Variants in CADM2 observed in about 807,000 individuals in gnomAD.
CADM2 encodes immunoglobulin superfamily member 4D.
CADM2 carries 12 observed loss-of-function variants against 49.8 expected under a neutral mutation model. That is an observed-to-expected ratio of 0.24 (90% CI 0.15 to 0.39). The LOEUF (loss-of-function observed/expected upper bound fraction) is 0.39, where lower values mean the gene tolerates loss of function less well. Ranked by LOEUF, CADM2 falls within the 10% of genes least tolerant of loss-of-function variation. The probability of loss-of-function intolerance (pLI) is 1.00; values close to 1 mark genes in which losing one functional copy is unlikely to be tolerated. For missense variants in CADM2, 378 were observed against 492.3 expected, an observed-to-expected ratio of 0.77 and a Z score of 2.20; for synonymous variants, 214 against 175.4, an observed-to-expected ratio of 1.22 and a Z score of -1.74.
intron 1 of CADM2, among the ~76,000 whole-genome samples, chr3:85,337,044 A>AATATATATAT (rs540413952): frequency 1.5e-5 from 2 of 135,500 alleles, no homozygotes; most frequent in African/African-American, 5.4e-5. Context: ...TATATATATA[A>AATATATATAT]ATATATATAT....
rs1316220255 is a variant in CADM2, at chr3:86,067,632, C to T, written c.*849C>T. On this transcript the variant is annotated 3_prime_UTR_variant, in exon 10 of 10. Transcript: ENST00000383699. ...ACAATATTGAAGTATCCATAGGGCA[C>T]AATTTTCAGACATTTTAGTATCTGT... 1 of 152,438 alleles carries T rather than the reference C, an allele frequency of 6.6e-6. No individual in the cohort carries two copies. Among genetic ancestry groups the T allele is most frequent in the Middle Eastern group, 3.2e-3 (1 of 316 alleles). The allele number at this position is 152,438 out of a possible 1,614,324, so 9.4% of individuals were successfully genotyped here.
intron 1 of CADM2, among the ~76,000 whole-genome samples, chr3:84,971,241 C>A (rs1387743724): frequency 1.3e-5 from 2 of 152,012 alleles, no homozygotes; most frequent in Non-Finnish European, 2.9e-5. Flanking sequence ...TAATATTTAG[C>A]AAACAAATAT....
At chr3:85,040,271 AG>A (rs887605171) in intron 1 of CADM2, among the ~76,000 whole-genome samples, 1 of 152,206 alleles carries the variant, frequency 6.6e-6, no homozygotes, top group African/African-American at 2.4e-5. Context: ...TGCAGATTTC[AG>A]GCTCATAAGC....
rs530850528 is a variant in CADM2, at chr3:85,811,758, T to C, written c.238+9562T>C. On this transcript the variant is annotated intron_variant, in intron 3 of 9. Coordinates refer to ENST00000383699, the MANE Select transcript of CADM2 (RefSeq NM_001167675.2). The stretch of plus-strand genomic sequence containing the variant: ...GATGATGAACTGGCTAGACTCAGAC[T>C]GAGTAGATAGTCACCACCATTGTGT... Among the ~76,000 whole-genome samples the C allele has an allele frequency of 4.2e-4, 64 of 152,148 alleles. No individual in the cohort carries two copies. In the South Asian group the frequency reaches 0.011, roughly 27 times the overall value.
At chr3:85,675,465 T>A (rs921118751) in intron 1 of CADM2, among the ~76,000 whole-genome samples, 4 of 152,200 alleles carry the variant, frequency 2.6e-5, no homozygotes, top group African/African-American at 9.6e-5. Flanking sequence ...TGAATCAAAG[T>A]ACTGCATTGT....
intron 1 of CADM2, among the ~76,000 whole-genome samples, chr3:85,183,642 A>G (rs749190508): frequency 5.3e-5 from 8 of 152,104 alleles, no homozygotes; most frequent in Non-Finnish European, 7.4e-5. Context: ...GAAGTAACCA[A>G]TCTCTTCATA....
chr3:85,514,853 A>C (rs901875314), intron 1 of CADM2, among the ~76,000 whole-genome samples: 2 of 151,966 alleles, frequency 1.3e-5, no homozygotes, highest in African/African-American at 4.8e-5. Flanking sequence ...TTACTTTTCC[A>C]CCAAAGTTTT....
intron 8 of CADM2, among the ~76,000 whole-genome samples, chr3:86,057,126 T>C (rs538231151): frequency 3.9e-5 from 6 of 152,326 alleles, no homozygotes; most frequent in South Asian, 4.1e-4. Context: ...AAACAGTAAT[T>C]GTACATAAAA....
intron 1 of CADM2, among the ~76,000 whole-genome samples, chr3:85,347,556 C>T (rs1252878659): frequency 2.1e-5 from 3 of 142,638 alleles, no homozygotes; most frequent in Non-Finnish European, 4.5e-5. Context: ...AATATATATA[C>T]ACACATATAT....
intron 1 of CADM2, among the ~76,000 whole-genome samples, chr3:85,396,118 A>C (rs2107417176): frequency 6.6e-6 from 1 of 151,530 alleles, no homozygotes; most frequent in South Asian, 2.1e-4. Flanking sequence ...TTCAAAATAA[A>C]TTTTCCTTAC....
At chr3:85,457,361 C>T (rs925057410) in intron 1 of CADM2, among the ~76,000 whole-genome samples, 4 of 151,652 alleles carry the variant, frequency 2.6e-5, no homozygotes, top group African/African-American at 9.7e-5. Context: ...TGCAGTGAGC[C>T]ATGATTGCAC....
intron 7 of CADM2, among the ~76,000 whole-genome samples, chr3:85,937,454 A>G (rs1013220417): frequency 1.5e-4 from 23 of 151,920 alleles, no homozygotes; most frequent in Non-Finnish European, 2.9e-4. Flanking sequence ...AAGGCTCAAA[A>G]CTTTTCACTA....
At chr3:85,132,625 A>T (rs1050206605) in intron 1 of CADM2, among the ~76,000 whole-genome samples, 2 of 148,096 alleles carry the variant, frequency 1.4e-5, no homozygotes, top group African/African-American at 5.0e-5. Context: ...ACAAGGATAT[A>T]TTATATATAT....
At chr3:85,294,383 C>G (rs2043893793) in intron 1 of CADM2, among the ~76,000 whole-genome samples, 1 of 151,820 alleles carries the variant, frequency 6.6e-6, no homozygotes, top group South Asian at 2.1e-4. Flanking sequence ...TTTACAGATT[C>G]AATGCCATCC....
intron 1 of CADM2, among the ~76,000 whole-genome samples, chr3:85,345,592 G>A (rs2875889): frequency 1.3e-5 from 2 of 152,014 alleles, no homozygotes; most frequent in African/African-American, 2.4e-5. Flanking sequence ...ACAAAATTAC[G>A]AGTCCTGAAG....
chr3:85,280,830 G>C (rs565354503), intron 1 of CADM2, among the ~76,000 whole-genome samples: 1 of 151,760 alleles, frequency 6.6e-6, no homozygotes, highest in Non-Finnish European at 1.5e-5. Flanking sequence ...TAGCAAAACA[G>C]TTAAAATACA....
At chr3:85,786,788 A>G (rs1222711119) in intron 2 of CADM2, among the ~76,000 whole-genome samples, 1 of 152,046 alleles carries the variant, frequency 6.6e-6, no homozygotes, top group Admixed American at 6.6e-5. Flanking sequence ...AGAGCTTTAT[A>G]CGTCTCACAT....
intron 1 of CADM2, among the ~76,000 whole-genome samples, chr3:85,165,076 A>C (rs541583325): frequency 6.6e-6 from 1 of 151,958 alleles, no homozygotes; most frequent in Admixed American, 6.6e-5. Context: ...CAAGGGCCCC[A>C]GTATAATGGG....
intron 1 of CADM2, among the ~76,000 whole-genome samples, chr3:85,432,691 T>G (rs113237038): frequency 2.0e-5 from 3 of 152,174 alleles, no homozygotes; most frequent in Non-Finnish European, 4.4e-5. Flanking sequence ...CTGGTTCAGG[T>G]GCTTTTGAAA....
Sources: allele counts gnomAD v4.1 joint callset (sites outside exome capture counted in the v4.1 genomes callset), GRCh38; gene constraint gnomAD v4.1.1; transcripts MANE v1.5; gene names NCBI Gene and HGNC (gene_info 2026-07-23, HGNC 2026-07-21).